The following CAST variants were observed in gnomAD, a reference collection of about 807,000 sequenced individuals.
CAST encodes calpastatin, also known as MIR583 host.
A neutral mutation model predicts 119.6 loss-of-function variants in CAST; 76 were observed. The observed-to-expected ratio is 0.64, with a 90% confidence interval of 0.53 to 0.77. The LOEUF is 0.77. Ranked by LOEUF, CAST falls within the 30% of genes least tolerant of loss-of-function variation. The pLI, the probability that CAST is intolerant of heterozygous loss-of-function variation, is 0.00. For synonymous variants in CAST, 319 were observed against 331.6 expected (o/e 0.96, Z 0.41); for missense variants, 953 against 946.5 (o/e 1.01, Z -0.09).
chr5:96,538,738 CCA>C (rs1271772042), intron 1 of CAST, among the ~76,000 whole-genome samples: 3 of 151,692 alleles, frequency 2.0e-5, no homozygotes, highest in Admixed American at 2.0e-4. Flanking sequence ...TAAGACCCCC[CCA>C]CACACACACC....
At chr5:96,433,123 C>G in the CAST span, 2 of 1,325,672 alleles carry the variant, frequency 1.5e-6, no homozygotes, top group Non-Finnish European at 2.2e-6. Flanking sequence ...ACAGACTCCC[C>G]CTTCCCACCC....
At chr5:96,498,789 C>T in the CAST span, among the ~76,000 whole-genome samples, 2 of 152,036 alleles carry the variant, frequency 1.3e-5, no homozygotes, top group African/African-American at 4.8e-5. Context: ...ATAGCCAGCC[C>T]CTCTGAAATT....
the CAST span, chr5:96,425,746 C>T: frequency 1.2e-6 from 1 of 802,864 alleles, no homozygotes; most frequent in South Asian, 1.5e-5. Context: ...AAAAAAAATC[C>T]ATGTTGCAAA....
the CAST span, among the ~76,000 whole-genome samples, chr5:96,478,916 C>T: frequency 6.6e-6 from 1 of 152,162 alleles, no homozygotes; most frequent in Non-Finnish European, 1.5e-5. Flanking sequence ...GGCCAGGTCA[C>T]AGGATAACTG....
chr5:96,258,956 G>T, the CAST span, among the ~76,000 whole-genome samples: 28 of 152,156 alleles, frequency 1.8e-4, no homozygotes, highest in Non-Finnish European at 3.5e-4. Context: ...AAATGAGAAG[G>T]TCAGACAAGA....
chr5:96,411,042 A>T, the CAST span: 1 of 1,224,116 alleles, frequency 8.2e-7, no homozygotes, highest in Non-Finnish European at 1.2e-6. Context: ...GGTCATTGTT[A>T]TATCCCAATA....
chr5:96,433,098 T>G, the CAST span: 1 of 1,550,100 alleles, frequency 6.5e-7, no homozygotes, highest in Non-Finnish European at 8.9e-7. Flanking sequence ...AGAAGCAAGA[T>G]AGGAGAAAAG....
the CAST span, among the ~76,000 whole-genome samples, chr5:96,506,029 A>T: frequency 1.3e-5 from 2 of 152,218 alleles, no homozygotes; most frequent in Non-Finnish European, 2.9e-5. Context: ...TATTTCTGCT[A>T]CCTACAAGTT....
chr5:96,093,123 A>C, the CAST span, among the ~76,000 whole-genome samples: 1 of 152,158 alleles, frequency 6.6e-6, no homozygotes, highest in Non-Finnish European at 1.5e-5. Context: ...GGGTTGTGTT[A>C]CATTTCTCAA....
At chr5:96,180,557 C>T in the CAST span, among the ~76,000 whole-genome samples, 1 of 151,838 alleles carries the variant, frequency 6.6e-6, no homozygotes, top group African/African-American at 2.4e-5. Context: ...ATTTTAACTG[C>T]TTAGAAAATG....
chr5:96,362,722 T>G, the CAST span, among the ~76,000 whole-genome samples: 1 of 152,224 alleles, frequency 6.6e-6, no homozygotes, highest in African/African-American at 2.4e-5. Context: ...TCTTTGTGGA[T>G]TCTGGATATT....
chr5:96,445,226 G>A, the CAST span, among the ~76,000 whole-genome samples: 2 of 152,136 alleles, frequency 1.3e-5, no homozygotes, highest in Non-Finnish European at 2.9e-5. Context: ...GTGACAAAGG[G>A]ATGGTTTTCT....
chr5:96,558,179 C>A (rs1746281868), intron 1 of CAST, among the ~76,000 whole-genome samples: 1 of 152,120 alleles, frequency 6.6e-6, no homozygotes, highest in Non-Finnish European at 1.5e-5. Context: ...CACAACATAT[C>A]AGAATCTCTG....
At chr5:96,317,883 A>C in the CAST span, among the ~76,000 whole-genome samples, 1 of 152,340 alleles carries the variant, frequency 6.6e-6, no homozygotes, top group East Asian at 1.9e-4. Flanking sequence ...ATGCATCCAC[A>C]GACTACAAAG....
At chr5:96,613,904 C>T (rs1747408182) in intron 1 of CAST, among the ~76,000 whole-genome samples, 1 of 152,146 alleles carries the variant, frequency 6.6e-6, no homozygotes, top group Non-Finnish European at 1.5e-5. Context: ...AATTGCACAT[C>T]TTTTGTTAGA....
At chr5:96,712,977 G>A (rs1756471998) in intron 3 of CAST, among the ~76,000 whole-genome samples, 1 of 152,158 alleles carries the variant, frequency 6.6e-6, no homozygotes, top group African/African-American at 2.4e-5. Flanking sequence ...TCTCATTTCT[G>A]TGGAGATTGA....
the CAST span, among the ~76,000 whole-genome samples, chr5:96,172,135 G>A: frequency 6.6e-6 from 1 of 152,224 alleles, no homozygotes; most frequent in Non-Finnish European, 1.5e-5. Context: ...GAAAATTACA[G>A]TCAAAGGGGG....
chr5:95,975,590 T>A, the CAST span, among the ~76,000 whole-genome samples: 3 of 152,224 alleles, frequency 2.0e-5, no homozygotes. Flanking sequence ...TCAATGATGG[T>A]TGAGCTTCGG....
At chr5:96,177,671 G>C in the CAST span, among the ~76,000 whole-genome samples, 1 of 152,232 alleles carries the variant, frequency 6.6e-6, no homozygotes, top group East Asian at 1.9e-4. Context: ...GTTTTTCTTT[G>C]GTTAATTTCT....
Sources: gnomAD v4.1 joint callset for allele counts (sites outside exome capture counted in the v4.1 genomes callset) on GRCh38, gnomAD v4.1.1 for gene constraint, MANE v1.5 for transcripts, NCBI Gene and HGNC (gene_info 2026-07-23, HGNC 2026-07-21) for gene names.